ERC2: variants seen among roughly 807,000 people sequenced by gnomAD.
ERC2 encodes the protein ELKS/RAB6-interacting/CAST family member 2.
A neutral mutation model predicts 114.8 loss-of-function variants in ERC2; 42 were observed. The ratio of observed to expected loss-of-function variants is 0.37; its 90% CI spans 0.29 to 0.47. The LOEUF is 0.47. Among genes scored for constraint, ERC2 ranks in the 20% least tolerant of loss-of-function variants. The pLI, the probability that ERC2 is intolerant of heterozygous loss-of-function variation, is 0.99. For missense variants in ERC2, 939 were observed against 1,150.7 expected (o/e 0.82, Z 2.66); for synonymous variants, 454 against 425.5 (o/e 1.07, Z -0.82).
intron 15 of ERC2, among the ~76,000 whole-genome samples, chr3:55,733,941 G>A (rs1025075670): frequency 6.6e-6 from 1 of 152,304 alleles, no homozygotes; most frequent in South Asian, 2.1e-4. Context: ...TAATGAACTC[G>A]AATCTTAGTG....
At chr3:55,984,465 G>A (rs1320165462) in intron 12 of ERC2, among the ~76,000 whole-genome samples, 1 of 152,120 alleles carries the variant, frequency 6.6e-6, no homozygotes, top group Non-Finnish European at 1.5e-5. Context: ...GCAGCAAAGG[G>A]AAGGCAAAAG....
intron 2 of ERC2, among the ~76,000 whole-genome samples, chr3:56,366,643 T>C (rs1222336979): frequency 1.3e-5 from 2 of 152,228 alleles, no homozygotes; most frequent in Non-Finnish European, 2.9e-5. Context: ...AATCAAGCCA[T>C]TCCTTTTCAT....
intron 6 of ERC2, among the ~76,000 whole-genome samples, chr3:56,133,579 A>G (rs1437475398): frequency 6.6e-6 from 1 of 152,258 alleles, no homozygotes; most frequent in Non-Finnish European, 1.5e-5. Flanking sequence ...GAACCCAGAC[A>G]TTGCCATTTA....
chr3:56,026,057 C>CTT (rs59635680), intron 7 of ERC2, among the ~76,000 whole-genome samples: 51 of 69,188 alleles, frequency 7.4e-4, no homozygotes, highest in Middle Eastern at 0.012. Context: ...CCGTTTCTTT[C>CTT]TTTTTTTTTT....
intron 17 of ERC2, among the ~76,000 whole-genome samples, chr3:55,567,040 C>T (rs2056422232): frequency 6.6e-6 from 1 of 152,134 alleles, no homozygotes; most frequent in South Asian, 2.1e-4. Flanking sequence ...ATATATCAGA[C>T]CATATTCCAA....
intron 10 of ERC2, among the ~76,000 whole-genome samples, chr3:56,002,063 G>A (rs762662028): frequency 1.2e-4 from 18 of 152,032 alleles, no homozygotes; most frequent in African/African-American, 2.4e-5. Flanking sequence ...TTGAAAAAGA[G>A]GTTAACAAAG....
chr3:55,646,238 C>A (rs1409344012), intron 17 of ERC2, among the ~76,000 whole-genome samples: 1 of 152,178 alleles, frequency 6.6e-6, no homozygotes, highest in East Asian at 1.9e-4. Flanking sequence ...AATTCTTAAT[C>A]CAACCTGTTC....
At chr3:56,370,519 G>A (rs1190805737) in intron 2 of ERC2, among the ~76,000 whole-genome samples, 1 of 151,824 alleles carries the variant, frequency 6.6e-6, no homozygotes, top group East Asian at 1.9e-4. Context: ...TGTTCTCTTG[G>A]CCTTGGTTAA....
At chr3:56,335,796 G>T (rs929837207) in intron 2 of ERC2, among the ~76,000 whole-genome samples, 7 of 152,118 alleles carry the variant, frequency 4.6e-5, no homozygotes, top group African/African-American at 1.7e-4. Flanking sequence ...TCTCTACTCT[G>T]CTGTGAGTCG....
intron 7 of ERC2, among the ~76,000 whole-genome samples, chr3:56,019,819 A>G (rs2073578609): frequency 6.6e-6 from 1 of 152,292 alleles, no homozygotes; most frequent in Admixed American, 6.5e-5. Context: ...CTTTCAAACC[A>G]TGTATTTCTT....
At chr3:55,535,015 G>A (rs149080345) in intron 17 of ERC2, among the ~76,000 whole-genome samples, 2 of 152,180 alleles carry the variant, frequency 1.3e-5, no homozygotes, top group African/African-American at 2.4e-5. Flanking sequence ...CAAGTCACTC[G>A]ACCATCAACC....
chr3:55,640,758 A>G (rs1031554056), intron 17 of ERC2, among the ~76,000 whole-genome samples: 1 of 151,970 alleles, frequency 6.6e-6, no homozygotes, highest in Non-Finnish European at 1.5e-5. Flanking sequence ...TAGCCCTTCA[A>G]CTCCACAACA....
rs534112953 is a variant in ERC2, at chr3:55,943,374, CT to C, written c.2403+7050del. On this transcript the variant is annotated intron_variant, in intron 13 of 17. Coordinates refer to ENST00000288221, the MANE Select transcript of ERC2 (RefSeq NM_015576.3). ...AATAGAATAGAAGAAGATATAGATG[CT>C]CCCAAACACACACCTCAGAGGTCTC... is the stretch of plus-strand genomic sequence containing the variant. Among the ~76,000 whole-genome samples, 21 of 152,188 alleles carry C rather than the reference CT, an allele frequency of 1.4e-4. No homozygotes were observed. The South Asian group carries it at 3.5e-3, about 26-fold the overall frequency.
chr3:56,189,295 C>G (rs1341525788), intron 3 of ERC2, among the ~76,000 whole-genome samples: 1 of 152,224 alleles, frequency 6.6e-6, no homozygotes, highest in African/African-American at 2.4e-5. Context: ...ACGTGAGATA[C>G]CTCCAGGTCA....
chr3:56,243,922 AC>A (rs1323624523), intron 3 of ERC2, among the ~76,000 whole-genome samples: 10 of 152,208 alleles, frequency 6.6e-5, no homozygotes, highest in Admixed American at 3.3e-4. Context: ...TAAAGAAAGC[AC>A]AGTGTGGGTG....
At chr3:56,275,752 A>C (rs2053947782) in intron 3 of ERC2, among the ~76,000 whole-genome samples, 1 of 152,212 alleles carries the variant, frequency 6.6e-6, no homozygotes, top group South Asian at 2.1e-4. Context: ...AAGACTTTGA[A>C]TCAGTGGTTT....
At chr3:56,431,210 G>A (rs1315448513) in intron 2 of ERC2, among the ~76,000 whole-genome samples, 1 of 152,130 alleles carries the variant, frequency 6.6e-6, no homozygotes, top group Non-Finnish European at 1.5e-5. Context: ...AACAGCAATA[G>A]CAGAAGATTG....
At chr3:55,817,444 A>C (rs936420305) in intron 14 of ERC2, among the ~76,000 whole-genome samples, 2 of 152,184 alleles carry the variant, frequency 1.3e-5, no homozygotes, top group Non-Finnish European at 2.9e-5. Context: ...GAGTTCACCC[A>C]AGGGATGGGC....
intron 7 of ERC2, among the ~76,000 whole-genome samples, chr3:56,061,229 A>G (rs1157093774): frequency 6.6e-6 from 1 of 152,230 alleles, no homozygotes. Context: ...GTCTGAGCAA[A>G]TTAGTGCCTC....
Sources: gnomAD v4.1 joint callset for allele counts (sites outside exome capture counted in the v4.1 genomes callset) on GRCh38, gnomAD v4.1.1 for gene constraint, MANE v1.5 for transcripts, NCBI Gene and HGNC (gene_info 2026-07-23, HGNC 2026-07-21) for gene names.